LHFPL3: variants seen among roughly 807,000 people sequenced by gnomAD.
LHFPL3 encodes LHFPL tetraspan subfamily member 3 protein.
Under a neutral mutation model 19.3 loss-of-function variants are expected in LHFPL3, and 5 were observed. The observed-to-expected ratio is 0.26, with a 90% CI of 0.14 to 0.54. LHFPL3 has a LOEUF of 0.54. LHFPL3 is among the 20% of genes least tolerant of loss of function. LHFPL3 has a pLI of 0.94. For synonymous variants in LHFPL3, 133 were observed against 126.2 expected (o/e 1.05, Z -0.36); for missense variants, 249 against 307.4 (o/e 0.81, Z 1.42).
intron 1 of LHFPL3, among the ~76,000 whole-genome samples, chr7:104,518,814 GAT>G (rs1793979083): frequency 6.8e-6 from 1 of 147,826 alleles, no homozygotes; most frequent in South Asian, 2.1e-4. Context: ...TAGATAGATA[GAT>G]AGATAGATAG....
chr7:104,827,640 T>A (rs2116546522), intron 2 of LHFPL3, among the ~76,000 whole-genome samples: 1 of 151,876 alleles, frequency 6.6e-6, no homozygotes, highest in South Asian at 2.1e-4. Context: ...TAGTATCTTG[T>A]CTGCATAAGA....
At position 104,399,537 on chromosome 7, in the gene LHFPL3, G is replaced by A. The variant is rs375171434; in HGVS notation, c.445+70313G>A. 1.5e-4 allele frequency among the ~76,000 whole-genome samples: 22 copies of A among 151,472 alleles called. 1 individual carries two copies. Among genetic ancestry groups the A allele is most frequent in the African/African-American group, 5.1e-4 (21 of 41,318 alleles). ...AGTGCAGTGGCGCAGTCTTGGCTCA[G>A]TGCAACCTCTGGCTCCTGGGTTCAA... On this transcript the variant is annotated intron_variant, in intron 1 of 2. Transcript: ENST00000424859. This position sits in a 1 kb window ranked among gnomAD's most constrained non-coding sequence, Gnocchi z 4.4.
intron 2 of LHFPL3, among the ~76,000 whole-genome samples, chr7:104,889,651 C>A (rs1240887857): frequency 1.3e-5 from 2 of 152,022 alleles, no homozygotes; most frequent in Non-Finnish European, 2.9e-5. Context: ...GAAACAAAAA[C>A]AAGGAAAGTA....
intron 1 of LHFPL3, among the ~76,000 whole-genome samples, chr7:104,587,742 TAA>T: frequency 6.6e-6 from 1 of 151,832 alleles, no homozygotes; most frequent in Non-Finnish European, 1.5e-5. Flanking sequence ...ACCAACAGTG[TAA>T]AAGTGTTCCT....
chr7:104,793,382 G>A (rs975989860), intron 2 of LHFPL3, among the ~76,000 whole-genome samples: 7 of 152,164 alleles, frequency 4.6e-5, no homozygotes, highest in Non-Finnish European at 8.8e-5. Flanking sequence ...CTAGCTTTGC[G>A]TTACAGGAAA....
chr7:104,750,311 C>A (rs1347781169), intron 2 of LHFPL3, among the ~76,000 whole-genome samples: 2 of 152,208 alleles, frequency 1.3e-5, no homozygotes, highest in Admixed American at 6.5e-5. Context: ...GCCTTACACA[C>A]AGGTCTGTTC....
At chr7:104,490,832 A>C (rs369856112) in intron 1 of LHFPL3, among the ~76,000 whole-genome samples, 1 of 152,152 alleles carries the variant, frequency 6.6e-6, no homozygotes, top group Admixed American at 6.5e-5. Context: ...GGAATTCACT[A>C]TTCCCTCCTC....
intron 1 of LHFPL3, among the ~76,000 whole-genome samples, chr7:104,544,542 C>T (rs1030996266): frequency 6.6e-6 from 1 of 152,152 alleles, no homozygotes; most frequent in Non-Finnish European, 1.5e-5. Context: ...GAAGTCATTT[C>T]TCTTTCAGTT....
At chr7:104,431,341 T>G (rs1791999383) in intron 1 of LHFPL3, among the ~76,000 whole-genome samples, 1 of 152,196 alleles carries the variant, frequency 6.6e-6, no homozygotes, top group African/African-American at 2.4e-5. Flanking sequence ...ATTCTTAATA[T>G]AGTACTGTCT....
chr7:104,721,043 T>C (rs1048015165), intron 1 of LHFPL3, among the ~76,000 whole-genome samples: 2 of 152,174 alleles, frequency 1.3e-5, no homozygotes, highest in African/African-American at 4.8e-5. Context: ...ACTGGTTATA[T>C]ACCCAAAGGA....
Position 104,644,514 on chromosome 7 carries a change from C to A in LHFPL3, c.446-92161C>A, listed in dbSNP as rs545240855. Among the ~76,000 whole-genome samples, 5 of 152,308 alleles carry A rather than the reference C, an allele frequency of 3.3e-5. No homozygotes were observed. In the South Asian group the frequency reaches 1.0e-3, roughly 32 times the overall value. On this transcript the variant is annotated intron_variant, in intron 1 of 2. Coordinates refer to ENST00000424859, the MANE Select transcript of LHFPL3 (RefSeq NM_199000.3). ...TCCATGCCCGCTCCCAGGAAAGCAA[C>A]ACCTGGAATCTGTCCTAAGACTCAG...
At chr7:104,770,912 C>T (rs962689487) in intron 2 of LHFPL3, among the ~76,000 whole-genome samples, 4 of 152,212 alleles carry the variant, frequency 2.6e-5, no homozygotes, top group African/African-American at 9.7e-5. Flanking sequence ...GCCCGTCATC[C>T]CCTGTAGCAT....
chr7:104,683,598 G>A (rs1562965052), intron 1 of LHFPL3, among the ~76,000 whole-genome samples: 1 of 151,736 alleles, frequency 6.6e-6, no homozygotes, highest in African/African-American at 2.4e-5. Context: ...ACTCTTCTCT[G>A]ATACATAAAG....
chr7:104,640,143 A>G (rs187760818), intron 1 of LHFPL3, among the ~76,000 whole-genome samples: 269 of 152,320 alleles, frequency 1.8e-3, no homozygotes, highest in Admixed American at 2.2e-3. Flanking sequence ...TCTGGGATAC[A>G]TGTGCAGAAT....
chr7:104,427,601 A>G (rs762135714), intron 1 of LHFPL3, among the ~76,000 whole-genome samples: 1 of 152,094 alleles, frequency 6.6e-6, no homozygotes, highest in Non-Finnish European at 1.5e-5. Flanking sequence ...AAAACTTTCT[A>G]CTATCGGTCT....
chr7:104,524,288 G>A (rs1270553184), intron 1 of LHFPL3, among the ~76,000 whole-genome samples: 1 of 152,104 alleles, frequency 6.6e-6, no homozygotes, highest in Non-Finnish European at 1.5e-5. Context: ...ATGGCCTCCA[G>A]AAAGAGTCAA....
chr7:104,695,318 A>G (rs1027194080), intron 1 of LHFPL3, among the ~76,000 whole-genome samples: 3 of 152,222 alleles, frequency 2.0e-5, no homozygotes, highest in Non-Finnish European at 4.4e-5. Context: ...CATTAATTCA[A>G]TATAATTGCC....
intron 1 of LHFPL3, among the ~76,000 whole-genome samples, chr7:104,534,010 A>G (rs529461243): frequency 7.0e-4 from 107 of 152,270 alleles, no homozygotes; most frequent in Admixed American, 1.4e-3. Flanking sequence ...CGAGTTAACC[A>G]CTAAGCCATC....
intron 1 of LHFPL3, among the ~76,000 whole-genome samples, chr7:104,561,870 C>G (rs1216252887): frequency 6.6e-6 from 1 of 152,120 alleles, no homozygotes; most frequent in Non-Finnish European, 1.5e-5. Context: ...TCTTGTAAGG[C>G]AGGCCTGGTG....
Sources: allele counts gnomAD v4.1 joint callset (sites outside exome capture counted in the v4.1 genomes callset), GRCh38; gene constraint gnomAD v4.1.1; non-coding constraint Gnocchi (gnomAD v3.1); transcripts MANE v1.5; gene names NCBI Gene and HGNC (gene_info 2026-07-23, HGNC 2026-07-21).